The following PTPRM variants were observed in gnomAD, a reference collection of about 807,000 sequenced individuals.
PTPRM encodes protein tyrosine phosphatase receptor type M.
Under a neutral mutation model 186.7 loss-of-function variants are expected in PTPRM, and 47 were observed. That is an observed-to-expected ratio of 0.25 (90% CI 0.20 to 0.32). PTPRM has a LOEUF of 0.32. Among genes scored for constraint, PTPRM ranks in the 10% least tolerant of loss-of-function variants. The probability of loss-of-function intolerance (pLI) is 1.00; values close to 1 mark genes in which losing one functional copy is unlikely to be tolerated. For missense variants in PTPRM, 1,494 were observed against 1,865.0 expected, an observed-to-expected ratio of 0.80 and a Z score of 3.66; for synonymous variants, 668 against 674.9, an observed-to-expected ratio of 0.99 and a Z score of 0.16.
chr18:7,818,200 T>G (rs1050932927), intron 2 of PTPRM, among the ~76,000 whole-genome samples: 8 of 152,244 alleles, frequency 5.3e-5, no homozygotes, highest in African/African-American at 2.4e-5. Context: ...TCTCTACTAA[T>G]TTAGTTTTTT....
intron 30 of PTPRM, among the ~76,000 whole-genome samples, chr18:8,385,140 C>G (rs1320796516): frequency 6.6e-6 from 1 of 152,150 alleles, no homozygotes; most frequent in Non-Finnish European, 1.5e-5. Flanking sequence ...GACCAGACAT[C>G]CGAGGAACCT....
intron 1 of PTPRM, among the ~76,000 whole-genome samples, chr18:7,710,321 A>G (rs1450059266): frequency 6.6e-6 from 1 of 152,230 alleles, no homozygotes; most frequent in African/African-American, 2.4e-5. Flanking sequence ...ATAGATGTAG[A>G]AAAAGCATTT....
intron 20 of PTPRM, among the ~76,000 whole-genome samples, chr18:8,314,397 T>C (rs2095292789): frequency 6.6e-6 from 1 of 152,184 alleles, no homozygotes; most frequent in Admixed American, 6.5e-5. Flanking sequence ...TAATCATCAT[T>C]TGTCAAGGTG....
In PTPRM at chr18:7,571,996, C is replaced by T. The variant is rs559647315; in HGVS notation, c.73+4105C>T. ...AGATAACTATAGTCATAGCATTTTA[C>T]ATTTTCAAGGTGCTTTCGCTAGATT... On this transcript the variant is annotated intron_variant, in intron 1 of 32. Transcript: ENST00000580170. Among the ~76,000 whole-genome samples, 10 of 152,264 alleles carry T rather than the reference C, an allele frequency of 6.6e-5. No individual in the cohort carries two copies. In the South Asian group the frequency reaches 1.5e-3, roughly 22 times the overall value.
intron 1 of PTPRM, among the ~76,000 whole-genome samples, chr18:7,576,566 C>T (rs537031096): frequency 1.3e-3 from 200 of 152,168 alleles, no homozygotes; most frequent in Non-Finnish European, 2.5e-3. Context: ...GCTTCGACTT[C>T]CTGGGCTCAA....
intron 2 of PTPRM, among the ~76,000 whole-genome samples, chr18:7,822,091 A>G (rs2045230430): frequency 6.6e-6 from 1 of 152,166 alleles, no homozygotes; most frequent in African/African-American, 2.4e-5. Context: ...CCTTCGTCAA[A>G]TATTATTTTA....
intron 1 of PTPRM, among the ~76,000 whole-genome samples, chr18:7,759,412 TA>T (rs1397877513): frequency 2.0e-5 from 3 of 152,190 alleles, no homozygotes; most frequent in Non-Finnish European, 4.4e-5. Context: ...CACAAGTTCT[TA>T]CAAGTCAGCC....
rs749415141 is a variant in PTPRM at position 7,915,915 on chromosome 18, T to A, written c.547+9332T>A. Among the ~76,000 whole-genome samples, 3 of 152,086 alleles carry A rather than the reference T, an allele frequency of 2.0e-5. No homozygotes were observed. In the South Asian group the frequency reaches 6.2e-4, roughly 32 times the overall value. On this transcript the variant is annotated intron_variant, in intron 4 of 32. Transcript: ENST00000580170. ...AAGCCTTTAATATTTACTGAAAAAA[T>A]TTACACCATTAGCAGAAAGTTTGAC...
chr18:8,063,554 A>G (rs111753448), intron 7 of PTPRM, among the ~76,000 whole-genome samples: 64 of 152,288 alleles, frequency 4.2e-4, no homozygotes, highest in African/African-American at 1.5e-3. Flanking sequence ...TGCCTTACCA[A>G]TACCCACATT....
At chr18:7,912,692 TG>T (rs1388053568) in intron 4 of PTPRM, among the ~76,000 whole-genome samples, 2 of 151,534 alleles carry the variant, frequency 1.3e-5, no homozygotes, top group Non-Finnish European at 1.5e-5. Flanking sequence ...TTTTTTTTTT[TG>T]TATTTTTAGT....
intron 14 of PTPRM, among the ~76,000 whole-genome samples, chr18:8,196,391 G>A (rs374878526): frequency 2.3e-4 from 35 of 152,314 alleles, no homozygotes; most frequent in African/African-American, 8.4e-4. Context: ...GATGGGAACA[G>A]GAGAGAGTGG....
chr18:8,317,234 G>A lies in PTPRM; in HGVS notation c.2920-1944G>A, dbSNP rs377266521. Among the ~76,000 whole-genome samples the A allele has an allele frequency of 5.7e-4, 87 of 152,244 alleles. 2 individuals are homozygous for A. In the East Asian group the frequency reaches 0.011, roughly 19 times the overall value. On this transcript the variant is annotated intron_variant, in intron 21 of 32. Coordinates refer to ENST00000580170, the MANE Select transcript of PTPRM (RefSeq NM_001105244.2). The stretch of plus-strand genomic sequence containing the variant: ...GGAGGTGAGAAATGGCGAGACCCTT[G>A]AGCTGCATTGAAGGTAGAGCCAGTA...
At chr18:7,770,806 G>A (rs1021961295) in intron 1 of PTPRM, among the ~76,000 whole-genome samples, 2 of 151,128 alleles carry the variant, frequency 1.3e-5, no homozygotes, top group Non-Finnish European at 2.9e-5. Context: ...TCTTATTTTA[G>A]CTCAATAAAC....
intron 1 of PTPRM, among the ~76,000 whole-genome samples, chr18:7,572,681 G>A (rs953483693): frequency 3.9e-5 from 6 of 152,110 alleles, no homozygotes; most frequent in African/African-American, 1.4e-4. Flanking sequence ...TAGGGGTTAT[G>A]TCCACCATGC....
chr18:7,853,752 T>A lies in PTPRM; in HGVS notation c.197-34354T>A, dbSNP rs1279800191. On this transcript the variant is annotated intron_variant, in intron 2 of 32. Coordinates refer to ENST00000580170, the MANE Select transcript of PTPRM (RefSeq NM_001105244.2). ...TTCTTGAAAGAGCTTGAAATAATAT[T>A]CTATACCAAGCTGATTCTCTTTGGA... Among the ~76,000 whole-genome samples the A allele has an allele frequency of 2.6e-5, 4 of 152,334 alleles. No individual in the cohort carries two copies. The East Asian group carries it at 7.7e-4, about 29-fold the overall frequency.
At position 8,037,044 on chromosome 18, in the gene PTPRM, G is replaced by A. The variant is rs146125406; in HGVS notation, c.1133-32642G>A. 9.4e-3 allele frequency among the ~76,000 whole-genome samples: 1,436 copies of A among 152,262 alleles called. 24 individuals are homozygous for A. Among genetic ancestry groups the A allele is most frequent in the African/African-American group, 0.032 (1,328 of 41,552 alleles). ...AAGAAATCATTCCCTAAGCAAATGAGTCTCTCAGCCAGAAATGAATGATCT... is the reference window on the plus strand; with the variant it reads ...AAGAAATCATTCCCTAAGCAAATGAATCTCTCAGCCAGAAATGAATGATCT... On this transcript the variant is annotated intron_variant, in intron 7 of 32. Transcript: ENST00000580170.
At chr18:8,026,245 CA>C (rs1394092317) in intron 7 of PTPRM, among the ~76,000 whole-genome samples, 2 of 152,286 alleles carry the variant, frequency 1.3e-5, no homozygotes, top group African/African-American at 4.8e-5. Context: ...TCCTGGTAAT[CA>C]GGGATAAATT....
chr18:7,874,028 G>T (rs2048107227), intron 2 of PTPRM, among the ~76,000 whole-genome samples: 1 of 151,748 alleles, frequency 6.6e-6, no homozygotes, highest in African/African-American at 2.4e-5. Context: ...CTGAAGAGTT[G>T]TCAACATTAT....
intron 2 of PTPRM, among the ~76,000 whole-genome samples, chr18:7,829,877 T>G (rs1438431686): frequency 6.6e-6 from 1 of 152,136 alleles, no homozygotes; most frequent in Non-Finnish European, 1.5e-5. Context: ...CTTTCCCCCC[T>G]TTTTTGTGTG....
Sources: allele counts gnomAD v4.1 joint callset (sites outside exome capture counted in the v4.1 genomes callset), GRCh38; gene constraint gnomAD v4.1.1; transcripts MANE v1.5; gene names NCBI Gene and HGNC (gene_info 2026-07-23, HGNC 2026-07-21).